COL4A5: variants seen among roughly 807,000 people sequenced by gnomAD.
COL4A5 encodes the protein collagen type IV alpha 5 chain, also known as collagen alpha-5(IV) chain.
Under a neutral mutation model 130.2 loss-of-function variants are expected in COL4A5, and 26 were observed. The ratio of observed to expected loss-of-function variants is 0.20; its 90% confidence interval spans 0.15 to 0.28. The LOEUF (loss-of-function observed/expected upper bound fraction) is 0.28. Among genes scored for constraint, COL4A5 ranks in the 10% least tolerant of loss-of-function variants. The probability of loss-of-function intolerance (pLI) is 1.00; values close to 1 mark genes in which losing one functional copy is unlikely to be tolerated. For missense variants in COL4A5, 1,131 were observed against 1,344.3 expected (o/e 0.84, Z 2.48); for synonymous variants, 496 against 439.6 (o/e 1.13, Z -1.60).
chrX:108,496,596 A>C (rs1475091642), intron 1 of COL4A5, among the ~76,000 whole-genome samples: 4 of 111,588 alleles, frequency 3.6e-5, no homozygotes, highest in African/African-American at 1.3e-4. Flanking sequence ...TGATTTCTTC[A>C]TATTTTTTCT....
intron 1 of COL4A5, among the ~76,000 whole-genome samples, chrX:108,529,336 A>C (rs28898365): frequency 9.0e-6 from 1 of 110,756 alleles, no homozygotes; most frequent in African/African-American, 3.3e-5. Context: ...ACCTGGAAGC[A>C]AAAGGACAAT....
chrX:108,659,251 C>G (rs1210436692), intron 37 of COL4A5, among the ~76,000 whole-genome samples: 3 of 111,043 alleles, frequency 2.7e-5, no homozygotes, highest in East Asian at 5.6e-4. Flanking sequence ...TCTATTGTGG[C>G]CAGAATACAT....
chrX:108,678,703 A>T (rs1291727274), intron 44 of COL4A5, among the ~76,000 whole-genome samples: 8 of 110,817 alleles, frequency 7.2e-5, no homozygotes, highest in African/African-American at 2.0e-4. Flanking sequence ...CTGTCTCTAA[A>T]TTTTTTTTAA....
intron 24 of COL4A5, among the ~76,000 whole-genome samples, chrX:108,598,292 C>T (rs1002891579): frequency 8.9e-6 from 1 of 111,870 alleles, no homozygotes; most frequent in Admixed American, 9.5e-5. Flanking sequence ...AGTAGATAGC[C>T]ATGTTCAATG....
chrX:108,482,948 A>G (rs767511855), intron 1 of COL4A5, among the ~76,000 whole-genome samples: 2 of 111,792 alleles, frequency 1.8e-5, no homozygotes, highest in African/African-American at 3.2e-5. Context: ...TTTGCCACTC[A>G]TGAGTGGTGA....
At chrX:108,452,577 C>G (rs1268533435) in intron 1 of COL4A5, among the ~76,000 whole-genome samples, 1 of 111,764 alleles carries the variant, frequency 8.9e-6, no homozygotes, top group Non-Finnish European at 1.9e-5. Flanking sequence ...ATTTTATTCT[C>G]TTTGAAGCAA....
chrX:108,532,730 G>A (rs2065401406), intron 1 of COL4A5, among the ~76,000 whole-genome samples: 1 of 111,418 alleles, frequency 9.0e-6, no homozygotes. Context: ...AGAATCAGTA[G>A]CCTTTCTACA....
chrX:108,516,523 G>A (rs1305738040), intron 1 of COL4A5, among the ~76,000 whole-genome samples: 1 of 111,721 alleles, frequency 9.0e-6, no homozygotes, highest in Non-Finnish European at 1.9e-5. Context: ...ATGAAACACA[G>A]GATACGTCTG....
rs1233149212 is a variant in COL4A5 at position 108,595,469 on chromosome X, C to T, written c.1424-40C>T. ...ACCTATCTATAGAAGGTATATGTAC[C>T]CCTTTCAGTAAAATTTGTTTGTTAT... On this transcript the variant is annotated intron_variant, in intron 21 of 52. Coordinates refer to ENST00000328300, the MANE Select transcript of COL4A5 (RefSeq NM_033380.3). 3.6e-6 allele frequency: 4 copies of T among 1,126,605 alleles called. No homozygotes were observed. The African/African-American group carries it at 7.2e-5, about 20-fold the overall frequency. 92.8% of individuals were successfully genotyped at this position (1,126,605 alleles called of 1,213,427 possible).
rs1251873280 is a variant in COL4A5 at position 108,625,751 on chromosome X, A to G, written c.3063A>G (p.Gly1021=). 8.3e-7 allele frequency: 1 copy of G among 1,208,679 alleles called. No individual in the cohort carries two copies. The highest frequency in any genetic ancestry group is 2.2e-5 in the Admixed American group (1 of 45,906). ...PGLPGQPGLI[G]PPGLKGTIGD... ...TCCCTGGACAGCCAGGTCTTATAGG[A>G]CCTCCTGGACTTAAAGGAACCATCG... is the stretch of plus-strand genomic sequence containing the variant. The change falls in exon 35 of 53, where the codon GGA becomes GGG. Residue 1021 remains glycine, a synonymous_variant. Coordinates refer to ENST00000328300, the MANE Select transcript of COL4A5 (RefSeq NM_033380.3).
At chrX:108,479,861 A>G (rs1356870351) in intron 1 of COL4A5, among the ~76,000 whole-genome samples, 4 of 111,891 alleles carry the variant, frequency 3.6e-5, no homozygotes, top group Non-Finnish European at 5.6e-5. Flanking sequence ...GCCAAAGCCC[A>G]GTAACAGGCC....
chrX:108,688,665 G>A (rs1809226073), intron 49 of COL4A5, among the ~76,000 whole-genome samples: 2 of 111,458 alleles, frequency 1.8e-5, no homozygotes, highest in South Asian at 3.8e-4. Context: ...TCGAAATGTT[G>A]ACCTCGTGAT....
intron 1 of COL4A5, 85 bp from the exon 2 acceptor site, chrX:108,539,661 T>C: frequency 1.3e-6 from 1 of 767,688 alleles, no homozygotes; most frequent in Non-Finnish European, 2.0e-6. Flanking sequence ...CAAGTTTGGA[T>C]TGTTGATTTC....
chrX:108,640,270 G>A (rs1214226656), intron 36 of COL4A5, among the ~76,000 whole-genome samples: 1 of 111,737 alleles, frequency 8.9e-6, no homozygotes, highest in African/African-American at 3.2e-5. Context: ...GTTATGCTAA[G>A]TGAAATAAGC....
intron 2 of COL4A5, among the ~76,000 whole-genome samples, chrX:108,543,744 G>A (rs1390751408): frequency 1.8e-5 from 2 of 112,106 alleles, no homozygotes; most frequent in Non-Finnish European, 3.8e-5. Context: ...CCATGAGCAT[G>A]GAATGTTCTT....
intron 36 of COL4A5, among the ~76,000 whole-genome samples, chrX:108,633,434 A>G (rs979491998): frequency 1.8e-5 from 2 of 111,335 alleles, no homozygotes; most frequent in African/African-American, 3.3e-5. Context: ...TTCCCAAATA[A>G]ATATCCAGTT....
chrX:108,458,224 A>G (rs2147483929), intron 1 of COL4A5, among the ~76,000 whole-genome samples: 1 of 111,437 alleles, frequency 9.0e-6, no homozygotes, highest in South Asian at 3.7e-4. Flanking sequence ...CCATTTACTT[A>G]TTTTTGTGTG....
chrX:108,630,042 C>A (rs768864896), intron 36 of COL4A5, among the ~76,000 whole-genome samples: 1 of 111,920 alleles, frequency 8.9e-6, no homozygotes, highest in Non-Finnish European at 1.9e-5. Flanking sequence ...CACATTTTCT[C>A]AATCCAGTGT....
At chrX:108,481,722 G>A (rs747819516) in intron 1 of COL4A5, among the ~76,000 whole-genome samples, 2 of 111,305 alleles carry the variant, frequency 1.8e-5, no homozygotes, top group Non-Finnish European at 3.8e-5. Flanking sequence ...TATTCCCATC[G>A]AATTTAAATT....
Sources: gnomAD v4.1 joint callset for allele counts (sites outside exome capture counted in the v4.1 genomes callset) on GRCh38, gnomAD v4.1.1 for gene constraint, MANE v1.5 for transcripts, NCBI Gene and HGNC (gene_info 2026-07-23, HGNC 2026-07-21) for gene names.